Variants in LAMA2 observed in about 807,000 individuals in gnomAD.
LAMA2 encodes the protein laminin subunit alpha-2.
Under a neutral mutation model 364.8 loss-of-function variants are expected in LAMA2, and 269 were observed. The observed-to-expected ratio is 0.74, with a 90% CI of 0.67 to 0.82. The LOEUF is 0.82. LAMA2 is among the 40% of genes least tolerant of loss of function. The pLI, the probability that LAMA2 is intolerant of heterozygous loss-of-function variation, is 0.00. For synonymous variants in LAMA2, 1,379 were observed against 1,370.6 expected (o/e 1.01, Z -0.14); for missense variants, 3,807 against 3,873.2 (o/e 0.98, Z 0.45).
At chr6:129,055,770 G>A (rs1449963688) in intron 2 of LAMA2, among the ~76,000 whole-genome samples, 1 of 152,148 alleles carries the variant, frequency 6.6e-6, no homozygotes, top group Non-Finnish European at 1.5e-5. Context: ...AAAGCTAGCA[G>A]TTTGAAAGGT....
chr6:129,126,809 G>T (rs1777143942), intron 4 of LAMA2, among the ~76,000 whole-genome samples: 1 of 152,230 alleles, frequency 6.6e-6, no homozygotes, highest in African/African-American at 2.4e-5. Context: ...ACTGGGCACA[G>T]TTGCTCACAC....
chr6:128,956,506 C>T (rs1156292797), intron 1 of LAMA2, among the ~76,000 whole-genome samples: 5 of 151,808 alleles, frequency 3.3e-5, no homozygotes, highest in African/African-American at 1.2e-4. Flanking sequence ...ATGTGTTGGT[C>T]TATGTCAATC....
At chr6:128,991,027 A>C (rs888622116) in intron 1 of LAMA2, among the ~76,000 whole-genome samples, 15 of 152,230 alleles carry the variant, frequency 9.9e-5, no homozygotes, top group African/African-American at 3.6e-4. Context: ...ATTGTAATCT[A>C]ATCAGTTTAA....
chr6:128,954,911 G>T (rs191050216), intron 1 of LAMA2, among the ~76,000 whole-genome samples: 30 of 151,704 alleles, frequency 2.0e-4, no homozygotes, highest in African/African-American at 6.8e-4. Context: ...AGTGTTAATG[G>T]GCTTTCTTTG....
At chr6:129,114,180 T>C (rs1033162486) in intron 4 of LAMA2, among the ~76,000 whole-genome samples, 1 of 152,022 alleles carries the variant, frequency 6.6e-6, no homozygotes, top group Admixed American at 6.6e-5. Context: ...AGAGAACTTG[T>C]ACAGCATAAG....
intron 51 of LAMA2, among the ~76,000 whole-genome samples, chr6:129,471,530 AC>A (rs1189905386): frequency 6.6e-6 from 1 of 151,886 alleles, no homozygotes; most frequent in Non-Finnish European, 1.5e-5. Flanking sequence ...TAAAATACCC[AC>A]CAAGTCTGTA....
chr6:129,323,074 T>C (rs1775065461), intron 28 of LAMA2, among the ~76,000 whole-genome samples: 1 of 152,202 alleles, frequency 6.6e-6, no homozygotes, highest in South Asian at 2.1e-4. Context: ...GATAAAGACC[T>C]ATCTCTCATA....
chr6:129,096,800 C>A (rs763582509), intron 3 of LAMA2, among the ~76,000 whole-genome samples: 6 of 152,152 alleles, frequency 3.9e-5, no homozygotes, highest in Non-Finnish European at 2.9e-5. Context: ...TTGACTCATT[C>A]GATGGGTGAT....
intron 45 of LAMA2, among the ~76,000 whole-genome samples, chr6:129,452,696 A>G (rs1048985149): frequency 1.2e-4 from 18 of 152,204 alleles, no homozygotes; most frequent in Admixed American, 3.9e-4. Context: ...CATATTGATA[A>G]TGGAGAAATG....
At position 129,503,250 on chromosome 6, in the gene LAMA2, C is replaced by T; in HGVS notation, c.8517C>T (p.Pro2839=). The T allele has an allele frequency of 6.2e-7, 1 of 1,614,028 alleles. No individual in the cohort carries two copies. The highest frequency in any genetic ancestry group is 8.5e-7 in the Non-Finnish European group (1 of 1,179,990). ...LGSGDTHTMI[P]TKINDGQWHK... is the part of the protein sequence containing the mutation. ...GTGGGGACACCCACACCATGATCCCCACCAAAATCAATGATGGCCAGTGGC... is the reference window on the plus strand; with the variant it reads ...GTGGGGACACCCACACCATGATCCCTACCAAAATCAATGATGGCCAGTGGC... The change falls in exon 60 of 65, where the codon CCC becomes CCT. Residue 2839 remains proline, a synonymous_variant. Transcript: ENST00000421865.
Position 129,192,684 on chromosome 6 carries a change from A to C in LAMA2, c.1613A>C (p.Gln538Pro). ...TGACTGTGTGTTTTCTCTAAGATACAAGATATGAGTGGCTGGTATCTGACT... is the reference window on the plus strand; with the variant it reads ...TGACTGTGTGTTTTCTCTAAGATACCAGATATGAGTGGCTGGTATCTGACT... ...QSSYWTYGKI[Q>P]DMSGWYLTDL... Residue 538 changes from glutamine (Q) to proline (P), a missense_variant, in exon 12 of 65, where the codon CAA becomes CCA. Physicochemically the swap from Gln to Pro is moderately conservative, Grantham distance 76. Transcript: ENST00000421865. The C allele has an allele frequency of 6.2e-7, 1 of 1,613,900 alleles. No individual in the cohort carries two copies. Among genetic ancestry groups the C allele is most frequent in the South Asian group, 1.1e-5 (1 of 91,072 alleles).
At chr6:129,136,259 T>TAGA (rs1250492453) in intron 4 of LAMA2, among the ~76,000 whole-genome samples, 4 of 152,142 alleles carry the variant, frequency 2.6e-5, no homozygotes, top group East Asian at 3.9e-4. Flanking sequence ...AGTAAATGCT[T>TAGA]TGTTGGTTGC....
intron 12 of LAMA2, among the ~76,000 whole-genome samples, chr6:129,243,900 G>A (rs1785562525): frequency 1.3e-5 from 2 of 151,466 alleles, no homozygotes; most frequent in African/African-American, 2.4e-5. Context: ...AGATGAAGAA[G>A]AAAGCTAAGG....
intron 8 of LAMA2, among the ~76,000 whole-genome samples, 179 bp from the exon 9 acceptor site, chr6:129,165,397 C>G (rs547658779): frequency 6.6e-6 from 1 of 151,946 alleles, no homozygotes; most frequent in South Asian, 2.1e-4. Context: ...TTTGTGTAAG[C>G]ATGTAAAAGA....
At chr6:128,891,731 T>C (rs994580066) in intron 1 of LAMA2, among the ~76,000 whole-genome samples, 7 of 152,092 alleles carry the variant, frequency 4.6e-5, no homozygotes, top group Admixed American at 4.6e-4. Context: ...AGGAATTTGC[T>C]TATATACTTA....
At chr6:129,147,813 A>G (rs1583135268) in intron 6 of LAMA2, among the ~76,000 whole-genome samples, 1 of 152,080 alleles carries the variant, frequency 6.6e-6, no homozygotes, top group East Asian at 1.9e-4. Context: ...TTTTCTGATG[A>G]TTGGATTATA....
rs768346836 is a variant in LAMA2 at position 129,505,371 on chromosome 6, CTTCT to C, written c.8703+19_8703+22del. The C allele has an allele frequency of 5.6e-6, 9 of 1,597,544 alleles. No homozygotes were observed. The highest frequency in any genetic ancestry group is 5.4e-5 in the African/African-American group (4 of 74,638). On this transcript the variant is annotated intron_variant, in intron 61 of 64. Transcript: ENST00000421865. ...AATTGGTCCAGTAAATATCTGATTTCTTCTTTATTACTTAAATATATGGCTGATT... is the reference window on the plus strand; with the variant it reads ...AATTGGTCCAGTAAATATCTGATTTCTTATTACTTAAATATATGGCTGATT...
intron 3 of LAMA2, among the ~76,000 whole-genome samples, chr6:129,076,503 A>ATTATATATATATAT (rs11432436): frequency 7.7e-6 from 1 of 130,454 alleles, no homozygotes; most frequent in Admixed American, 7.7e-5. Flanking sequence ...ATATATAAAT[A>ATTATATATATATAT]TATATATATA....
chr6:129,431,566 G>T (rs1437580924), intron 41 of LAMA2, among the ~76,000 whole-genome samples: 1 of 152,026 alleles, frequency 6.6e-6, no homozygotes, highest in African/African-American at 2.4e-5. Context: ...CCAATGCAGG[G>T]GTTGGAGAGC....
Sources: gnomAD v4.1 joint callset for allele counts (sites outside exome capture counted in the v4.1 genomes callset) on GRCh38, gnomAD v4.1.1 for gene constraint, MANE v1.5 for transcripts, NCBI Gene and HGNC (gene_info 2026-07-23, HGNC 2026-07-21) for gene names.